The following GFY variants were observed in gnomAD, a reference collection of about 807,000 sequenced individuals.
GFY encodes the protein Golgi-associated olfactory signaling regulator.
A neutral mutation model predicts 29.1 loss-of-function variants in GFY; 28 were observed. The observed-to-expected ratio is 0.96, with a 90% CI of 0.71 to 1.32. The LOEUF (loss-of-function observed/expected upper bound fraction) is 1.32, where lower values mean the gene tolerates loss of function less well. Ranked by LOEUF, GFY falls within the 40% of genes most tolerant of loss-of-function variation. GFY has a pLI of 0.00. For synonymous variants in GFY, 277 were observed against 274.5 expected, an observed-to-expected ratio of 1.01 and a Z score of -0.09; for missense variants, 656 against 661.9, an observed-to-expected ratio of 0.99 and a Z score of 0.10.
rs886496516 is a variant in GFY at position 49,428,705 on chromosome 19, C to A, written c.1444C>A (p.Gln482Lys). The stretch of plus-strand genomic sequence containing the variant: ...GGTCCCTTCCCACATCGCCACCAAG[C>A]AGCCCCCGCCCACACCTCCTCTGCC... ...TWVPSHIATK[Q>K]PPPTPPLPPK... is the part of the protein sequence containing the mutation. The change falls in exon 4 of 4, where the codon CAG becomes AAG. Residue 482 changes from glutamine (Q) to lysine (K), a missense_variant. Gln to Lys is a moderately conservative substitution (Grantham distance 53). Transcript: ENST00000610896. 37 of 1,531,742 alleles carry A rather than the reference C, an allele frequency of 2.4e-5. No homozygotes were observed. In the East Asian group the frequency reaches 7.7e-4, roughly 32 times the overall value. The allele number at this position is 1,531,742 out of a possible 1,614,324, so 94.9% of individuals were successfully genotyped here. A position where few individuals can be genotyped will look rare whatever the true frequency, so the allele number is the denominator to read the frequency against.
chr19:49,424,529 C>A (rs1160690959), upstream of GFY, among the ~76,000 whole-genome samples: 1 of 149,064 alleles, frequency 6.7e-6, no homozygotes, highest in Non-Finnish European at 1.5e-5. Flanking sequence ...CAGGCGTGAG[C>A]CAGCACACCC....
intron 3 of GFY, among the ~76,000 whole-genome samples, chr19:49,428,416 C>T (rs1043387158): frequency 6.6e-6 from 1 of 152,104 alleles, no homozygotes; most frequent in Non-Finnish European, 1.5e-5. Context: ...ACTGCAGGCC[C>T]CGCCGCTGCT....
In GFY at chr19:49,426,561, C is replaced by A; in HGVS notation, c.131C>A (p.Pro44His). 6.5e-7 allele frequency: 1 copy of A among 1,536,168 alleles called. No homozygotes were observed. Among genetic ancestry groups the A allele is most frequent in the Non-Finnish European group, 8.7e-7 (1 of 1,146,910 alleles). The change falls in exon 2 of 4, where the codon CCT (proline) becomes CAT (histidine). Residue 44 changes from proline to histidine, a missense_variant. Transcript: ENST00000610896. ...ATGGCCCACCCCTCTGAGACTTCCC[C>A]TCTGAAGGGTGCTTCTGAAAATTCC... ...PDMAHPSETS[P>H]LKGASENSKR...
At position 49,426,934 on chromosome 19, in the gene GFY, C is replaced by T. The variant is rs972333225; in HGVS notation, c.504C>T (p.Thr168=). 2 of 1,535,842 alleles carry T rather than the reference C, an allele frequency of 1.3e-6. No individual in the cohort carries two copies. The highest frequency in any genetic ancestry group is 1.7e-6 in the Non-Finnish European group (2 of 1,146,898). The part of the protein sequence containing the change: ...SKTSRPEFPE[T]PNTDLMQTTP... ...CTTCACGCCCAGAATTTCCTGAGACCCCAAACACTGACCTTATGCAAACTA... is the reference window on the plus strand; with the variant it reads ...CTTCACGCCCAGAATTTCCTGAGACTCCAAACACTGACCTTATGCAAACTA... Residue 168 remains threonine (T), a synonymous_variant, in exon 2 of 4, where the codon ACC becomes ACT. Transcript: ENST00000610896.
intron 3 of GFY, among the ~76,000 whole-genome samples, chr19:49,428,377 G>A (rs377272836): frequency 6.6e-6 from 1 of 151,912 alleles, no homozygotes; most frequent in Non-Finnish European, 1.5e-5. Context: ...CCAGGTACGC[G>A]GCCCGGAGCC....
chr19:49,426,564 T>C lies in GFY; in HGVS notation c.134T>C (p.Leu45Pro). ...DMAHPSETSP[L>P]KGASENSKRD... ...GCCCACCCCTCTGAGACTTCCCCTC[T>C]GAAGGGTGCTTCTGAAAATTCCAAA... Residue 45 changes from leucine to proline, a missense_variant, in exon 2 of 4, where the codon CTG becomes CCG. By Grantham distance (98) the Leu-to-Pro change is moderately conservative. Transcript: ENST00000610896. The C allele has an allele frequency of 1.3e-6, 2 of 1,536,090 alleles. No individual in the cohort carries two copies. The highest frequency in any genetic ancestry group is 1.7e-4 in the Middle Eastern group (1 of 5,990).
In GFY at chr19:49,426,314, G is replaced by T. The variant is rs888509751; in HGVS notation, c.-21-96G>T. ...GCCAAGCTGGGCCCCGGACAGACGT[G>T]GTCCACCTGTGTTCCAGTGGGCGTG... is the stretch of plus-strand genomic sequence containing the variant. On this transcript the variant is annotated intron_variant, in intron 1 of 3. Transcript: ENST00000610896. The T allele has an allele frequency of 2.1e-6, 3 of 1,435,816 alleles. No individual in the cohort carries two copies. The African/African-American group carries it at 4.3e-5, about 21-fold the overall frequency. The allele number at this position is 1,435,816 out of a possible 1,614,324, so 88.9% of individuals were successfully genotyped here.
upstream of GFY, among the ~76,000 whole-genome samples, chr19:49,424,794 C>T (rs1227688179): frequency 6.6e-6 from 1 of 151,132 alleles, no homozygotes; most frequent in Non-Finnish European, 1.5e-5. Flanking sequence ...GAGATCGCAC[C>T]ACTGCACTCC....
At position 49,428,932 on chromosome 19, in the gene GFY, C is replaced by T. The variant is rs2078945908; in HGVS notation, c.*114C>T. 2 of 650,076 alleles carry T rather than the reference C, an allele frequency of 3.1e-6. No individual in the cohort carries two copies. The highest frequency in any genetic ancestry group is 2.7e-5 in the South Asian group (1 of 37,174). 40.3% of individuals were successfully genotyped at this position (650,076 alleles called of 1,614,324 possible). On this transcript the variant is annotated 3_prime_UTR_variant, in exon 4 of 4. Transcript: ENST00000610896. The stretch of plus-strand genomic sequence containing the variant: ...ATAAAGGGTCTAATATACAGAGATG[C>T]TTGCGCTGTGATCAGAGAACAAGGT...
Position 49,428,043 on chromosome 19 carries a change from G to A in GFY, c.1281G>A (p.Leu427=), listed in dbSNP as rs1427757450. ...TGCTGATCGGCATCTTTGTGCTGCT[G>A]TGGTGTCTTTACCGCCGGGCAGCTA... ...TALLIGIFVL[L]WCLYRRAARQ... Residue 427 remains leucine (L), a synonymous_variant, in exon 3 of 4, where the codon CTG becomes CTA. Transcript: ENST00000610896. The A allele has an allele frequency of 6.5e-7, 1 of 1,535,942 alleles. No individual in the cohort carries two copies. Among genetic ancestry groups the A allele is most frequent in the Admixed American group, 2.0e-5 (1 of 51,008 alleles).
Position 49,426,451 on chromosome 19 carries a change from C to G in GFY, c.21C>G (p.Ile7Met). 6.5e-7 allele frequency: 1 copy of G among 1,535,404 alleles called. No homozygotes were observed. Among genetic ancestry groups the G allele is most frequent in the Non-Finnish European group, 8.7e-7 (1 of 1,146,418 alleles). The change falls in exon 2 of 4, where the codon ATC (isoleucine) becomes ATG (methionine). Residue 7 changes from isoleucine (I) to methionine (M), a missense_variant. By Grantham distance (10) the Ile-to-Met change is conservative. Coordinates refer to ENST00000610896, the MANE Select transcript of GFY (RefSeq NM_001195256.2). Reference protein sequence around the residue: MKSFSRILFLVFLLAGL... With the variant: MKSFSRMLFLVFLLAGL... ...GAGCTATGAAATCATTCAGCCGGAT[C>G]CTCTTCCTCGTCTTCCTCCTCGCCG...
In GFY at chr19:49,427,178, A is replaced by T; in HGVS notation, c.748A>T (p.Asn250Tyr). Residue 250 changes from asparagine to tyrosine, a missense_variant, in exon 2 of 4, where the codon AAT becomes TAT. Coordinates refer to ENST00000610896, the MANE Select transcript of GFY (RefSeq NM_001195256.2). Reference protein sequence around the residue: ...TPHPESHVTHNPSPTEISQTE... With the variant: ...TPHPESHVTHYPSPTEISQTE... ...CCACCCAGAATCCCATGTGACCCAC[A>T]ATCCCAGCCCCACCGAAATTTCCCA... 6.5e-7 allele frequency: 1 copy of T among 1,535,886 alleles called. No individual in the cohort carries two copies. Among genetic ancestry groups the T allele is most frequent in the Non-Finnish European group, 8.7e-7 (1 of 1,146,870 alleles).
chr19:49,427,639 A>G (rs941139974), intron 2 of GFY, 26 bp downstream of exon 2: 14 of 1,170,922 alleles, frequency 1.2e-5, no homozygotes, highest in African/African-American at 2.3e-5. Flanking sequence ...CGGACTCCTG[A>G]GTCTGAGGGA....
upstream of GFY, among the ~76,000 whole-genome samples, chr19:49,424,466 G>C (rs149821580): frequency 3.1e-4 from 47 of 152,226 alleles, no homozygotes; most frequent in Non-Finnish European, 6.5e-4. Flanking sequence ...GGCTGGTCTT[G>C]AACTCCTGAC....
Position 49,426,463 on chromosome 19 carries a change from C to T in GFY, c.33C>T (p.Val11=), listed in dbSNP as rs944510092. The T allele has an allele frequency of 1.1e-5, 17 of 1,535,854 alleles. No individual in the cohort carries two copies. The highest frequency in any genetic ancestry group is 1.5e-5 in the Non-Finnish European group (17 of 1,146,722). The part of the protein sequence containing the change: MKSFSRILFL[V]FLLAGLRSKA... Reference sequence around the variant, plus strand: ...CATTCAGCCGGATCCTCTTCCTCGTCTTCCTCCTCGCCGGCCTGAGGTCCA... The same window carrying T: ...CATTCAGCCGGATCCTCTTCCTCGTTTTCCTCCTCGCCGGCCTGAGGTCCA... Residue 11 remains valine, a synonymous_variant, in exon 2 of 4, where the codon GTC becomes GTT. Transcript: ENST00000610896.
chr19:49,426,595 T>C lies in GFY; in HGVS notation c.165T>C (p.Asp55=). The change falls in exon 2 of 4, where the codon GAT becomes GAC. Residue 55 remains aspartate (D), a synonymous_variant. Transcript: ENST00000610896. Reference sequence around the variant, plus strand: ...GTGCTTCTGAAAATTCCAAACGAGATCGCCTTAACCCAGAATTTCCTGGGA... The same window carrying C: ...GTGCTTCTGAAAATTCCAAACGAGACCGCCTTAACCCAGAATTTCCTGGGA... ...LKGASENSKR[D]RLNPEFPGTP... 6.5e-7 allele frequency: 1 copy of C among 1,535,646 alleles called. No individual in the cohort carries two copies. Among genetic ancestry groups the C allele is most frequent in the Non-Finnish European group, 8.7e-7 (1 of 1,146,784 alleles).
intron 2 of GFY, 28 bp downstream of exon 2, chr19:49,427,641 T>C: frequency 1.7e-6 from 2 of 1,175,652 alleles, no homozygotes. Context: ...GACTCCTGAG[T>C]CTGAGGGAGG....
chr19:49,426,676 A>G lies in GFY; in HGVS notation c.246A>G (p.Pro82=). 6.5e-7 allele frequency: 1 copy of G among 1,535,580 alleles called. No homozygotes were observed. Among genetic ancestry groups the G allele is most frequent in the Middle Eastern group, 1.7e-4 (1 of 5,990 alleles). The change falls in exon 2 of 4, where the codon CCA becomes CCG. Residue 82 remains proline, a synonymous_variant. Coordinates refer to ENST00000610896, the MANE Select transcript of GFY (RefSeq NM_001195256.2). ...LPHTVSLETF[P]LDFTEPLNPD... ...ATACGGTTTCCCTGGAAACCTTCCC[A>G]CTTGACTTCACTGAGCCCCTCAACC...
At chr19:49,426,331 G>T (rs1357683074) in intron 1 of GFY, 79 bp from the exon 2 acceptor site, 1 of 1,442,242 alleles carries the variant, frequency 6.9e-7, no homozygotes. Context: ...CTGTGTTCCA[G>T]TGGGCGTGGC....
Sources: allele counts gnomAD v4.1 joint callset (sites outside exome capture counted in the v4.1 genomes callset), GRCh38; gene constraint gnomAD v4.1.1; transcripts MANE v1.5; gene names NCBI Gene and HGNC (gene_info 2026-07-23, HGNC 2026-07-21).